The following SNUPN variants were observed in gnomAD, a reference collection of about 807,000 sequenced individuals.
The protein encoded by SNUPN is snurportin-1.
In SNUPN, 31 loss-of-function variants were observed where a neutral mutation model predicts 39.2. That is an observed-to-expected ratio of 0.79 (90% confidence interval 0.59 to 1.07). The LOEUF is 1.07. SNUPN is among the 50% of genes least tolerant of loss of function. The probability of loss-of-function intolerance (pLI) is 0.00; values close to 1 mark genes in which losing one functional copy is unlikely to be tolerated. For synonymous variants in SNUPN, 132 were observed against 159.0 expected (o/e 0.83, Z 1.28); for missense variants, 382 against 434.2 (o/e 0.88, Z 1.07).
rs749201925 is a variant in SNUPN at position 75,598,368 on chromosome 15, A to G, written c.1073T>C (p.Met358Thr). 1 of 1,613,332 alleles carries G rather than the reference A, an allele frequency of 6.2e-7. No individual in the cohort carries two copies. The highest frequency in any genetic ancestry group is 8.5e-7 in the Non-Finnish European group (1 of 1,179,544). The part of the protein sequence containing the change: ...SHSPDHPGCL[M>T]EN The stretch of plus-strand genomic sequence containing the variant: ...AGGAGGCTTCTCTCTTTAATTCTCC[A>G]TGAGGCATCCAGGGTGGTCTGGGCT... The change falls in exon 9 of 9, where the codon ATG (methionine) becomes ACG (threonine). Residue 358 changes from methionine to threonine, a missense_variant. Physicochemically the swap from Met to Thr is moderately conservative, Grantham distance 81. Transcript: ENST00000308588.
At chr15:75,600,967 G>A in intron 8 of SNUPN, 171 bp downstream of exon 8, 5 of 578,682 alleles carry the variant, frequency 8.6e-6, no homozygotes, top group Non-Finnish European at 1.6e-5. Context: ...TCCAGCATGG[G>A]TGGAGCTCAG....
chr15:75,601,567 T>C (rs2075287222), intron 7 of SNUPN, among the ~76,000 whole-genome samples: 1 of 151,480 alleles, frequency 6.6e-6, no homozygotes, highest in African/African-American at 2.4e-5. Context: ...AGAGCAAGAC[T>C]CCCTCTCAAA....
chr15:75,625,305 C>G (rs1185967094), intron 1 of SNUPN: 1 of 147,176 alleles, frequency 6.8e-6, no homozygotes, highest in Non-Finnish European at 1.5e-5. Flanking sequence ...TCCCCTGGGT[C>G]CGCATCCTGG....
intron 3 of SNUPN, 30 bp downstream of exon 3, chr15:75,617,378 G>A: frequency 6.2e-7 from 1 of 1,607,194 alleles, no homozygotes; most frequent in Non-Finnish European, 8.5e-7. Flanking sequence ...AGTGAGATTA[G>A]CTGGGTCTCA....
intron 3 of SNUPN, among the ~76,000 whole-genome samples, chr15:75,616,817 G>C (rs1892950919): frequency 6.6e-6 from 1 of 152,210 alleles, no homozygotes; most frequent in Non-Finnish European, 1.5e-5. Context: ...AAAGGGCACT[G>C]AGTCAGGTTT....
chr15:75,603,908 A>G (rs1211948277), intron 7 of SNUPN, among the ~76,000 whole-genome samples: 1 of 152,176 alleles, frequency 6.6e-6, no homozygotes, highest in Non-Finnish European at 1.5e-5. Flanking sequence ...CATTCTGCCA[A>G]TCATTTAACC....
At chr15:75,602,261 C>A (rs1414347023) in intron 7 of SNUPN, among the ~76,000 whole-genome samples, 1 of 151,982 alleles carries the variant, frequency 6.6e-6, no homozygotes, top group Non-Finnish European at 1.5e-5. Context: ...GGTGTGGTGG[C>A]TCACGCCTGT....
At chr15:75,602,707 G>C (rs1016038233) in intron 7 of SNUPN, among the ~76,000 whole-genome samples, 12 of 150,940 alleles carry the variant, frequency 8.0e-5, no homozygotes, top group African/African-American at 2.7e-4. Flanking sequence ...TTGGGCTCAA[G>C]TGATCCTCCC....
intron 8 of SNUPN, among the ~76,000 whole-genome samples, chr15:75,599,839 T>C (rs2141358499): frequency 6.6e-6 from 1 of 151,654 alleles, no homozygotes; most frequent in South Asian, 2.1e-4. Flanking sequence ...TGGGCAGATT[T>C]TTTTTTTTTT....
At chr15:75,623,875 G>A (rs1351577865) in intron 1 of SNUPN, among the ~76,000 whole-genome samples, 3 of 151,202 alleles carry the variant, frequency 2.0e-5, no homozygotes, top group Non-Finnish European at 2.9e-5. Flanking sequence ...GTATGCTATT[G>A]TCTCTACTTT....
At chr15:75,608,075 A>G (rs777547919) in intron 5 of SNUPN, among the ~76,000 whole-genome samples, 32 of 152,074 alleles carry the variant, frequency 2.1e-4, no homozygotes, top group Non-Finnish European at 4.1e-4. Flanking sequence ...AAGGTACTAA[A>G]CGCCAACAGA....
Position 75,598,616 on chromosome 15 carries a change from G to A in SNUPN, c.825C>T (p.Gly275=). 1 of 1,613,878 alleles carries A rather than the reference G, an allele frequency of 6.2e-7. No individual in the cohort carries two copies. The highest frequency in any genetic ancestry group is 8.5e-7 in the Non-Finnish European group (1 of 1,179,738). The part of the protein sequence containing the change: ...HYSPGSTPLV[G]WLRPYMVSDV... ...CTGACACCATGTAGGGGCGCAGCCA[G>A]CCCACCAAGGGAGTGCTTCCGGGGC... Residue 275 remains glycine, a synonymous_variant, in exon 9 of 9, where the codon GGC becomes GGT. Coordinates refer to ENST00000308588, the MANE Select transcript of SNUPN (RefSeq NM_005701.4).
intron 8 of SNUPN, among the ~76,000 whole-genome samples, chr15:75,599,711 C>T (rs1036741265): frequency 6.6e-6 from 1 of 152,188 alleles, no homozygotes; most frequent in Non-Finnish European, 1.5e-5. Context: ...GGTATTCTTA[C>T]CACCTTCTTA....
rs2075322100 is a variant in SNUPN at position 75,605,280 on chromosome 15, A to C, written c.601-53T>G. 8.4e-6 allele frequency: 11 copies of C among 1,311,702 alleles called. 1 individual carries two copies. In the South Asian group the frequency reaches 1.4e-4, roughly 16 times the overall value. The allele number at this position is 1,311,702 out of a possible 1,614,324, so 81.3% of individuals were successfully genotyped here. The stretch of plus-strand genomic sequence containing the variant: ...TGAAATACTTTCCATTTCAAACTCT[A>C]ATATAAACAAAAACACCCCATGCTA... On this transcript the variant is annotated intron_variant, in intron 6 of 8. Transcript: ENST00000308588.
rs773986523 is a variant in SNUPN at position 75,605,149 on chromosome 15, C to T, written c.678+1G>A. 2.5e-6 allele frequency: 4 copies of T among 1,605,954 alleles called. No homozygotes were observed. Among genetic ancestry groups the T allele is most frequent in the South Asian group, 1.1e-5 (1 of 90,836 alleles). On this transcript the variant is annotated splice_donor_variant, in intron 7 of 8. Coordinates refer to ENST00000308588, the MANE Select transcript of SNUPN (RefSeq NM_005701.4). LOFTEE classifies it high-confidence loss of function. The stretch of plus-strand genomic sequence containing the variant: ...TCAGTGATCCTAACACCAGGCCTTA[C>T]AGGATTAAGCTTGGTTTTCTCTCCC...
At chr15:75,625,615 G>A (rs28372917) in intron 1 of SNUPN, 51 bp downstream of exon 1, 24,828 of 151,986 alleles carry the variant, frequency 0.16, 2,724 homozygotes, top group Non-Finnish European at 0.24. Context: ...GTCCGGCACC[G>A]AGAGGCAACT....
chr15:75,610,021 G>T, intron 3 of SNUPN, 27 bp from the exon 4 acceptor site: 1 of 1,539,078 alleles, frequency 6.5e-7, no homozygotes, highest in Non-Finnish European at 9.0e-7. Context: ...TAGTGTTAAA[G>T]ATCAGCAGGG....
intron 2 of SNUPN, among the ~76,000 whole-genome samples, chr15:75,620,557 G>T (rs1162433245): frequency 6.6e-6 from 1 of 152,148 alleles, no homozygotes; most frequent in African/African-American, 2.4e-5. Flanking sequence ...AAGCATCCCA[G>T]GAAATGTGGG....
At chr15:75,611,878 C>A (rs1251626765) in intron 3 of SNUPN, among the ~76,000 whole-genome samples, 1 of 151,998 alleles carries the variant, frequency 6.6e-6, no homozygotes, top group Non-Finnish European at 1.5e-5. Context: ...TGTCACTCAG[C>A]ATTTCTGTTG....
Sources: gnomAD v4.1 joint callset for allele counts (sites outside exome capture counted in the v4.1 genomes callset) on GRCh38, gnomAD v4.1.1 for gene constraint, MANE v1.5 for transcripts, NCBI Gene and HGNC (gene_info 2026-07-23, HGNC 2026-07-21) for gene names.